COL4A5: variants seen among roughly 807,000 people sequenced by gnomAD.
COL4A5 encodes the protein collagen alpha-5(IV) chain.
In COL4A5, 26 loss-of-function variants were observed where a neutral mutation model predicts 130.2. The observed-to-expected ratio is 0.20, with a 90% CI of 0.15 to 0.28. The LOEUF is 0.28. COL4A5 is among the 10% of genes least tolerant of loss of function. The pLI is 1.00. For synonymous variants in COL4A5, 496 were observed against 439.6 expected, an observed-to-expected ratio of 1.13 and a Z score of -1.60; for missense variants, 1,131 against 1,344.3, an observed-to-expected ratio of 0.84 and a Z score of 2.48.
At chrX:108,648,567 T>C (rs1008598437) in intron 36 of COL4A5, among the ~76,000 whole-genome samples, 2 of 111,937 alleles carry the variant, frequency 1.8e-5, no homozygotes, top group African/African-American at 6.5e-5. Flanking sequence ...ATACCAAGGA[T>C]GCAGTGATGG....
chrX:108,650,756 A>G (rs1021428918), intron 36 of COL4A5, among the ~76,000 whole-genome samples: 3 of 110,365 alleles, frequency 2.7e-5, no homozygotes, highest in African/African-American at 6.6e-5. Context: ...GAATGATACA[A>G]GGGACTTTGG....
chrX:108,501,087 T>A (rs1362111952), intron 1 of COL4A5, among the ~76,000 whole-genome samples: 1 of 111,750 alleles, frequency 8.9e-6, no homozygotes, highest in African/African-American at 3.3e-5. Context: ...AATAATTTAT[T>A]CTTAGGGATT....
chrX:108,505,833 C>T (rs779141167), intron 1 of COL4A5, among the ~76,000 whole-genome samples: 11 of 112,170 alleles, frequency 9.8e-5, no homozygotes, highest in Non-Finnish European at 1.5e-4. Context: ...AGATAGTTTC[C>T]CCCATCCATT....
In COL4A5 at chrX:108,539,852, T is replaced by G. The variant is rs752642668; in HGVS notation, c.141+47T>G. The stretch of plus-strand genomic sequence containing the variant: ...TGAAAATTTAGTAAAGCCAGTAAAC[T>G]AATGGTTTTAATAAATATTTTTTTA... On this transcript the variant is annotated intron_variant, in intron 2 of 52. Transcript: ENST00000328300. The G allele has an allele frequency of 3.5e-5, 35 of 986,255 alleles. No homozygotes were observed. The South Asian group carries it at 5.8e-4, about 16-fold the overall frequency. The allele number at this position is 986,255 out of a possible 1,213,427, so 81.3% of individuals were successfully genotyped here. A position where few individuals can be genotyped will look rare whatever the true frequency, so the allele number is the denominator to read the frequency against.
At chrX:108,515,156 T>C (rs1358285639) in intron 1 of COL4A5, among the ~76,000 whole-genome samples, 2 of 111,967 alleles carry the variant, frequency 1.8e-5, no homozygotes, top group African/African-American at 6.5e-5. Context: ...CCATGTTCTG[T>C]TAACTAATAG....
At chrX:108,607,350 CAA>C (rs558025535) in intron 29 of COL4A5, among the ~76,000 whole-genome samples, 9 of 49,738 alleles carry the variant, frequency 1.8e-4, no homozygotes, top group African/African-American at 1.6e-4. Flanking sequence ...GACTTTGTCT[CAA>C]AAAAAAAAAA....
chrX:108,448,371 A>G (rs2064475632), intron 1 of COL4A5, among the ~76,000 whole-genome samples: 1 of 112,312 alleles, frequency 8.9e-6, no homozygotes, highest in Non-Finnish European at 1.9e-5. Flanking sequence ...CTGTTAAGGA[A>G]TTTGTATCAT....
rs774715027 is a variant in COL4A5 at position 108,573,677 on chromosome X, T to C, written c.546+23T>C. 9.5e-6 allele frequency: 10 copies of C among 1,047,376 alleles called. No homozygotes were observed. In the South Asian group the frequency reaches 1.7e-4, roughly 18 times the overall value. The allele number at this position is 1,047,376 out of a possible 1,213,427, so 86.3% of individuals were successfully genotyped here. On this transcript the variant is annotated intron_variant, in intron 9 of 52. Coordinates refer to ENST00000328300, the MANE Select transcript of COL4A5 (RefSeq NM_033380.3). ...CAAGTAAGTATCCAGTGATTTTCTT[T>C]TTTTGCTATATTGATTAAACCAGAA... is the stretch of plus-strand genomic sequence containing the variant.
At chrX:108,666,866 T>C (rs1213904485) in intron 39 of COL4A5, among the ~76,000 whole-genome samples, 4 of 112,036 alleles carry the variant, frequency 3.6e-5, no homozygotes, top group African/African-American at 6.5e-5. Flanking sequence ...TTCTCTGTGG[T>C]TTACTATGCA....
At chrX:108,447,452 C>T (rs1907232700) in intron 1 of COL4A5, among the ~76,000 whole-genome samples, 1 of 111,911 alleles carries the variant, frequency 8.9e-6, no homozygotes, top group Non-Finnish European at 1.9e-5. Context: ...TGCCTGTTTG[C>T]CAGCCCTATA....
intron 36 of COL4A5, among the ~76,000 whole-genome samples, chrX:108,635,421 G>A (rs1169982467): frequency 9.0e-6 from 1 of 111,637 alleles, no homozygotes; most frequent in Non-Finnish European, 1.9e-5. Flanking sequence ...CAAATATAAT[G>A]ACTCTATGGA....
intron 1 of COL4A5, among the ~76,000 whole-genome samples, chrX:108,473,226 A>G (rs1419649646): frequency 1.8e-5 from 2 of 111,466 alleles, no homozygotes; most frequent in African/African-American, 6.5e-5. Context: ...TTATGTGTTT[A>G]CCATACTACA....
Position 108,473,633 on chromosome X carries a change from A to ATTTTTTTTTTT in COL4A5, c.81+33430_81+33440dup, listed in dbSNP as rs1203616884. ...TATATGTATATATATATATATATAT[A>ATTTTTTTTTTT]TTTTTTTTTTTTTGAGATGAAGTCT... On this transcript the variant is annotated intron_variant, in intron 1 of 52. Coordinates refer to ENST00000328300, the MANE Select transcript of COL4A5 (RefSeq NM_033380.3). Among the ~76,000 whole-genome samples, 41 of 34,558 alleles carry ATTTTTTTTTTT rather than the reference A, an allele frequency of 1.2e-3. 4 individuals are homozygous for ATTTTTTTTTTT. Among genetic ancestry groups the ATTTTTTTTTTT allele is most frequent in the African/African-American group, 4.1e-3 (38 of 9,271 alleles). 30.0% of individuals were successfully genotyped at this position (34,558 alleles called of 115,157 possible).
At position 108,571,311 on chromosome X, in the gene COL4A5, A is replaced by G. The variant is rs190645082; in HGVS notation, c.385-102A>G. On this transcript the variant is annotated intron_variant, in intron 6 of 52. Transcript: ENST00000328300. ...ACTTTTTGGCAATCTGGCATGTTTC[A>G]AAATGGCTTTTATAGAAATCTTTTC... The G allele has an allele frequency of 4.8e-3, 3,086 of 645,004 alleles. 43 individuals are homozygous for G. Among genetic ancestry groups the G allele is most frequent in the Non-Finnish European group, 2.7e-3 (1,070 of 395,317 alleles). The allele number at this position is 645,004 out of a possible 1,213,427, so 53.2% of individuals were successfully genotyped here. A position where few individuals can be genotyped will look rare whatever the true frequency, so the allele number is the denominator to read the frequency against.
At chrX:108,683,900 T>A (rs892646780) in intron 47 of COL4A5, among the ~76,000 whole-genome samples, 1 of 111,722 alleles carries the variant, frequency 9.0e-6, no homozygotes, top group Non-Finnish European at 1.9e-5. Context: ...TTTTGCCTGA[T>A]TGCCCTGGCC....
intron 36 of COL4A5, among the ~76,000 whole-genome samples, chrX:108,643,297 A>T (rs750164845): frequency 8.9e-6 from 1 of 112,087 alleles, no homozygotes; most frequent in East Asian, 2.8e-4. Flanking sequence ...ATATTTGGGG[A>T]ATAATTAAGG....
chrX:108,585,185 T>C (rs900381337), intron 18 of COL4A5, among the ~76,000 whole-genome samples: 6 of 112,031 alleles, frequency 5.4e-5, no homozygotes, highest in Admixed American at 3.8e-4. Flanking sequence ...TTTTCTTTGG[T>C]TGAAATTTAG....
intron 36 of COL4A5, among the ~76,000 whole-genome samples, chrX:108,636,611 A>G (rs1165981080): frequency 9.0e-6 from 1 of 111,525 alleles, no homozygotes; most frequent in African/African-American, 3.3e-5. Context: ...AAAGCAAATA[A>G]CTCAGTTTTT....
intron 25 of COL4A5, 87 bp downstream of exon 25, chrX:108,598,957 A>G (rs1466229521): frequency 1.0e-6 from 1 of 976,267 alleles, no homozygotes; most frequent in Admixed American, 2.4e-5. Context: ...CTTTCCCGAG[A>G]GGTGTGTTTC....
Sources: gnomAD v4.1 joint callset for allele counts (sites outside exome capture counted in the v4.1 genomes callset) on GRCh38, gnomAD v4.1.1 for gene constraint, MANE v1.5 for transcripts, NCBI Gene and HGNC (gene_info 2026-07-23, HGNC 2026-07-21) for gene names.